The following PIH1D1 variants were observed in gnomAD, a reference collection of about 807,000 sequenced individuals.
PIH1D1 encodes the protein PIH1 domain containing 1, also known as PIH1 domain-containing protein 1.
A neutral mutation model predicts 38.5 loss-of-function variants in PIH1D1; 28 were observed. That is an observed-to-expected ratio of 0.73 (90% CI 0.54 to 1.00). The LOEUF (loss-of-function observed/expected upper bound fraction) is 1.00. Ranked by LOEUF, PIH1D1 falls within the 50% of genes least tolerant of loss-of-function variation. The pLI is 0.00. For synonymous variants in PIH1D1, 155 were observed against 153.5 expected (o/e 1.01, Z -0.07); for missense variants, 343 against 369.9 (o/e 0.93, Z 0.60).
At position 49,451,565 on chromosome 19, in the gene PIH1D1, G is replaced by A; in HGVS notation, c.10C>T (p.Pro4Ser). MAN[P>S]KLLGMGLSEA... Reference sequence around the variant, plus strand: ...CTTAGCCCCATTCCCAGCAGCTTCGGGTTCGCCATGGCCCTGGGAAAGAGA... The same window carrying A: ...CTTAGCCCCATTCCCAGCAGCTTCGAGTTCGCCATGGCCCTGGGAAAGAGA... The change falls in exon 1 of 9, where the codon CCG becomes TCG. Residue 4 changes from proline (P) to serine (S), a missense_variant. Pro to Ser is a moderately conservative substitution (Grantham distance 74). Transcript: ENST00000262265. 1 of 1,613,216 alleles carries A rather than the reference G, an allele frequency of 6.2e-7. No individual in the cohort carries two copies. The highest frequency in any genetic ancestry group is 2.2e-5 in the East Asian group (1 of 44,866).
chr19:49,446,763 C>T (rs777785971), intron 7 of PIH1D1, 69 bp from the exon 8 acceptor site: 14 of 1,451,402 alleles, frequency 9.6e-6, no homozygotes, highest in African/African-American at 2.8e-5. Flanking sequence ...GGCATGGTAG[C>T]CTCACACGCT....
intron 2 of PIH1D1, 84 bp downstream of exon 2, chr19:49,450,698 T>A: frequency 1.1e-5 from 2 of 178,514 alleles, no homozygotes; most frequent in Non-Finnish European, 2.1e-5. Context: ...ACCCTAGGCC[T>A]TTATTTTCGT....
chr19:49,451,019 CCATTTCTTTTT>C, intron 1 of PIH1D1, 171 bp from the exon 2 acceptor site: 1 of 1,187,072 alleles, frequency 8.4e-7, no homozygotes, highest in South Asian at 1.6e-5. Flanking sequence ...AACCCCATTC[CCATTTCTTTTT>C]TTTTTTTTTT....
chr19:49,450,697 C>CCTTTTTTTTT, intron 2 of PIH1D1, 85 bp downstream of exon 2: 1 of 898,886 alleles, frequency 1.1e-6, no homozygotes, highest in Non-Finnish European at 1.6e-6. Flanking sequence ...CACCCTAGGC[C>CCTTTTTTTTT]TTTATTTTCG....
Position 49,451,564 on chromosome 19 carries a change from G to A in PIH1D1, c.11C>T (p.Pro4Leu), listed in dbSNP as rs748012708. 14 of 1,613,100 alleles carry A rather than the reference G, an allele frequency of 8.7e-6. No individual in the cohort carries two copies. Among genetic ancestry groups the A allele is most frequent in the Middle Eastern group, 3.3e-4 (2 of 6,084 alleles). Residue 4 changes from proline (P) to leucine (L), a missense_variant, in exon 1 of 9, where the codon CCG becomes CTG. Physicochemically the swap from Pro to Leu is moderately conservative, Grantham distance 98. Coordinates refer to ENST00000262265, the MANE Select transcript of PIH1D1 (RefSeq NM_017916.3). MAN[P>L]KLLGMGLSEA... ...GCTTAGCCCCATTCCCAGCAGCTTC[G>A]GGTTCGCCATGGCCCTGGGAAAGAG...
At chr19:49,451,163 A>G (rs1303663963) in intron 1 of PIH1D1, among the ~76,000 whole-genome samples, 2 of 150,694 alleles carry the variant, frequency 1.3e-5, no homozygotes, top group South Asian at 2.1e-4. Flanking sequence ...TCCAGTAGCT[A>G]GGACTACAGG....
Position 49,446,647 on chromosome 19 carries a change from C to A in PIH1D1, c.735G>T (p.Val245=), listed in dbSNP as rs762937407. 7 of 1,601,750 alleles carry A rather than the reference C, an allele frequency of 4.4e-6. No homozygotes were observed. Among genetic ancestry groups the A allele is most frequent in the Non-Finnish European group, 5.1e-6 (6 of 1,173,604 alleles). Reference sequence around the variant, plus strand: ...GATACAGCTGCTGGGGGCCCCCCATCACCAGGCGGTTCTCCCCGATCTCCA... The same window carrying A: ...GATACAGCTGCTGGGGGCCCCCCATAACCAGGCGGTTCTCCCCGATCTCCA... ...LSLEIGENRL[V]MGGPQQLYHL... is the part of the protein sequence containing the mutation. The change falls in exon 8 of 9, where the codon GTG becomes GTT. Residue 245 remains valine (V), a synonymous_variant. Transcript: ENST00000262265.
chr19:49,447,270 G>T, intron 6 of PIH1D1, 68 bp downstream of exon 6: 1 of 1,597,110 alleles, frequency 6.3e-7, no homozygotes, highest in Non-Finnish European at 8.6e-7. Flanking sequence ...CCCAGTGTGG[G>T]AGGATGGAGG....
In PIH1D1 at chr19:49,450,849, C is replaced by T; in HGVS notation, c.91-1G>A. The T allele has an allele frequency of 6.2e-7, 1 of 1,613,728 alleles. No homozygotes were observed. Among genetic ancestry groups the T allele is most frequent in the South Asian group, 1.1e-5 (1 of 91,064 alleles). ...GGGCTTGCTGGAGCTCCTTCGAGGC[C>T]TGTATAAAGGAAAACTACCTCCAGG... On this transcript the variant is annotated splice_acceptor_variant, in intron 1 of 8. Transcript: ENST00000262265. LOFTEE classifies it high-confidence loss of function.
intron 1 of PIH1D1, 169 bp from the exon 2 acceptor site, chr19:49,451,017 T>G: frequency 5.0e-5 from 53 of 1,053,698 alleles, no homozygotes; most frequent in Non-Finnish European, 6.3e-5. Context: ...CCAACCCCAT[T>G]CCCATTTCTT....
chr19:49,447,206 C>T (rs931164525), intron 6 of PIH1D1, 107 bp from the exon 7 acceptor site: 2 of 1,484,696 alleles, frequency 1.3e-6, no homozygotes, highest in Non-Finnish European at 1.8e-6. Context: ...GACGCCTTCC[C>T]AGTCAGGAGT....
At chr19:49,450,928 T>C in intron 1 of PIH1D1, 80 bp from the exon 2 acceptor site, 1 of 1,610,218 alleles carries the variant, frequency 6.2e-7, no homozygotes, top group Non-Finnish European at 8.5e-7. Context: ...GAGCAATTCT[T>C]ATGCATGAGA....
At chr19:49,450,988 G>A (rs777354524) in intron 1 of PIH1D1, 140 bp from the exon 2 acceptor site, 6 of 1,384,700 alleles carry the variant, frequency 4.3e-6, no homozygotes, top group Non-Finnish European at 4.9e-6. Context: ...TTTCTCCTTT[G>A]AGAACTAGAA....
At chr19:49,448,987 T>C (rs951378138) in intron 3 of PIH1D1, 1 of 303,456 alleles carries the variant, frequency 3.3e-6, no homozygotes, top group African/African-American at 2.2e-5. Context: ...AGGTCAGGAG[T>C]CTGAGACCAG....
At chr19:49,447,545 C>T (rs906064027) in intron 5 of PIH1D1, 78 bp from the exon 6 acceptor site, 4 of 1,538,794 alleles carry the variant, frequency 2.6e-6, no homozygotes, top group Non-Finnish European at 2.7e-6. Flanking sequence ...CCGGGATAGG[C>T]TCCACCGGCT....
chr19:49,446,483 C>T (rs2079023184), intron 8 of PIH1D1, 60 bp from the exon 9 acceptor site: 2 of 1,518,130 alleles, frequency 1.3e-6, no homozygotes, highest in Non-Finnish European at 1.8e-6. Flanking sequence ...CTCCCAGCCC[C>T]CCTCCCTGGG....
chr19:49,447,690 G>T (rs1159074632), intron 5 of PIH1D1, 137 bp downstream of exon 5: 2 of 1,006,332 alleles, frequency 2.0e-6, no homozygotes, highest in African/African-American at 3.2e-5. Flanking sequence ...GCCCCCTCAG[G>T]GCGTCCAGAC....
intron 3 of PIH1D1, 107 bp from the exon 4 acceptor site, chr19:49,448,169 G>T: frequency 8.8e-7 from 1 of 1,134,042 alleles, no homozygotes; most frequent in Non-Finnish European, 1.3e-6. Context: ...GTAAGAAGCA[G>T]AGAGAGACAT....
chr19:49,451,191 G>A (rs987412593), intron 1 of PIH1D1, among the ~76,000 whole-genome samples: 3 of 151,846 alleles, frequency 2.0e-5, no homozygotes, highest in African/African-American at 4.8e-5. Flanking sequence ...CACCACGCCC[G>A]GCTAATTTTT....
Sources: allele counts gnomAD v4.1 joint callset (sites outside exome capture counted in the v4.1 genomes callset), GRCh38; gene constraint gnomAD v4.1.1; transcripts MANE v1.5; gene names NCBI Gene and HGNC (gene_info 2026-07-23, HGNC 2026-07-21).